POFUT1: variants seen among roughly 807,000 people sequenced by gnomAD.
POFUT1 encodes protein O-fucosyltransferase 1.
Under a neutral mutation model 42.4 loss-of-function variants are expected in POFUT1, and 16 were observed. That is an observed-to-expected ratio of 0.38 (90% CI 0.26 to 0.57). The LOEUF (loss-of-function observed/expected upper bound fraction) is 0.57, where lower values mean the gene tolerates loss of function less well. Among genes scored for constraint, POFUT1 ranks in the 20% least tolerant of loss-of-function variants. POFUT1 has a pLI of 0.71. For missense variants in POFUT1, 470 were observed against 504.6 expected, an observed-to-expected ratio of 0.93 and a Z score of 0.66; for synonymous variants, 206 against 205.4, an observed-to-expected ratio of 1.00 and a Z score of -0.03.
At chr20:32,214,188 A>G (rs2047346163) in intron 2 of POFUT1, among the ~76,000 whole-genome samples, 1 of 152,170 alleles carries the variant, frequency 6.6e-6, no homozygotes, top group Admixed American at 6.5e-5. Flanking sequence ...ACAGTGGCAC[A>G]GTCACACATC....
In POFUT1 at chr20:32,237,783, G is replaced by A. The variant is rs1247025737; in HGVS notation, c.*3122G>A. 3.7e-5 allele frequency: 20 copies of A among 534,606 alleles called. 1 individual carries two copies. The highest frequency in any genetic ancestry group is 2.8e-4 in the South Asian group (20 of 71,582). The allele number at this position is 534,606 out of a possible 1,614,324, so 33.1% of individuals were successfully genotyped here. A position where few individuals can be genotyped will look rare whatever the true frequency, so the allele number is the denominator to read the frequency against. Reference sequence around the variant, plus strand: ...AGAGACCAGTGCAGGGCTGTTAACAGGGTTGCAGGCGAGAGACTGGGGTGC... The same window carrying A: ...AGAGACCAGTGCAGGGCTGTTAACAAGGTTGCAGGCGAGAGACTGGGGTGC... On this transcript the variant is annotated 3_prime_UTR_variant, in exon 7 of 7. Coordinates refer to ENST00000375749, the MANE Select transcript of POFUT1 (RefSeq NM_015352.2).
rs1439985021 is a variant in POFUT1, at chr20:32,237,298, C to T, written c.*2637C>T. The T allele has an allele frequency of 1.3e-5, 2 of 156,640 alleles. No homozygotes were observed. The highest frequency in any genetic ancestry group is 2.8e-5 in the Non-Finnish European group (2 of 70,380). The allele number at this position is 156,640 out of a possible 1,614,324, so 9.7% of individuals were successfully genotyped here. On this transcript the variant is annotated 3_prime_UTR_variant, in exon 7 of 7. Coordinates refer to ENST00000375749, the MANE Select transcript of POFUT1 (RefSeq NM_015352.2). ...TCTTTGTTCTCAAGGAATTTGCATTCTAGAAAGTAGAAGATGTAATAAATG... is the reference window on the plus strand; with the variant it reads ...TCTTTGTTCTCAAGGAATTTGCATTTTAGAAAGTAGAAGATGTAATAAATG...
intron 4 of POFUT1, among the ~76,000 whole-genome samples, chr20:32,221,967 G>A (rs1178213609): frequency 6.6e-6 from 1 of 152,126 alleles, no homozygotes; most frequent in African/African-American, 2.4e-5. Context: ...GAAGATCTGG[G>A]TATGCAGTCC....
At chr20:32,223,236 C>G in intron 4 of POFUT1, 2 of 985,456 alleles carry the variant, frequency 2.0e-6, no homozygotes, top group Non-Finnish European at 2.4e-6. Context: ...CAAGGGTGAG[C>G]AGTCACCGGG....
chr20:32,233,227 A>G (rs1449600971), intron 6 of POFUT1, among the ~76,000 whole-genome samples: 1 of 152,236 alleles, frequency 6.6e-6, no homozygotes, highest in Non-Finnish European at 1.5e-5. Context: ...AAAGTAGAGC[A>G]GCAGGGTTCT....
At chr20:32,216,869 G>T (rs2047363962) in intron 4 of POFUT1, 148 bp downstream of exon 4, 1 of 1,488,968 alleles carries the variant, frequency 6.7e-7, no homozygotes, top group African/African-American at 1.4e-5. Context: ...TTGGAATCCT[G>T]TGTGATCTGT....
At chr20:32,217,826 C>G in intron 4 of POFUT1, 8 of 821,796 alleles carry the variant, frequency 9.7e-6, no homozygotes, top group Non-Finnish European at 1.2e-5. Flanking sequence ...GAAACTGAGC[C>G]CAGTGAAGTT....
intron 2 of POFUT1, among the ~76,000 whole-genome samples, chr20:32,211,573 C>T (rs1230009287): frequency 6.6e-6 from 1 of 152,152 alleles, no homozygotes; most frequent in Non-Finnish European, 1.5e-5. Flanking sequence ...CCTGGCCTCG[C>T]ACTCACTATT....
At chr20:32,208,984 A>G (rs1219346172) in intron 1 of POFUT1, among the ~76,000 whole-genome samples, 2 of 147,626 alleles carry the variant, frequency 1.4e-5, no homozygotes, top group African/African-American at 2.7e-5. Flanking sequence ...GGTATGGTGG[A>G]TCATCATTGT....
intron 4 of POFUT1, among the ~76,000 whole-genome samples, chr20:32,226,330 C>T (rs1410711691): frequency 6.6e-6 from 1 of 152,102 alleles, no homozygotes; most frequent in Non-Finnish European, 1.5e-5. Flanking sequence ...TACCCAATTT[C>T]CCCCAATGGT....
At chr20:32,216,377 T>A (rs1170173364) in intron 3 of POFUT1, among the ~76,000 whole-genome samples, 1 of 152,214 alleles carries the variant, frequency 6.6e-6, no homozygotes, top group East Asian at 1.9e-4. Context: ...GTCAGCAGGA[T>A]GTGACATGTG....
chr20:32,209,509 T>C (rs1175828172), intron 1 of POFUT1, among the ~76,000 whole-genome samples: 4 of 152,146 alleles, frequency 2.6e-5, no homozygotes, highest in Non-Finnish European at 5.9e-5. Context: ...ATTTGTGAAA[T>C]GAATGAACAG....
chr20:32,230,975 G>A lies in POFUT1; in HGVS notation c.892G>A (p.Val298Met), dbSNP rs765455438. 1 of 1,614,216 alleles carries A rather than the reference G, an allele frequency of 6.2e-7. No individual in the cohort carries two copies. Among genetic ancestry groups the A allele is most frequent in the South Asian group, 1.1e-5 (1 of 91,084 alleles). Residue 298 changes from valine to methionine, a missense_variant, in exon 6 of 7, where the codon GTG becomes ATG. Coordinates refer to ENST00000375749, the MANE Select transcript of POFUT1 (RefSeq NM_015352.2). ...GATCCAGAGGGCTGTGAAGCTCTGGGTGAGGTCGCTGGATGCCCAGTCGGT... is the reference window on the plus strand; with the variant it reads ...GATCCAGAGGGCTGTGAAGCTCTGGATGAGGTCGCTGGATGCCCAGTCGGT... Reference protein sequence around the residue: ...KEIQRAVKLWVRSLDAQSVYV... With the variant: ...KEIQRAVKLWMRSLDAQSVYV...
Position 32,207,906 on chromosome 20 carries a change from C to T in POFUT1, c.-36C>T. 3 of 1,559,072 alleles carry T rather than the reference C, an allele frequency of 1.9e-6. No homozygotes were observed. On this transcript the variant is annotated 5_prime_UTR_variant, in exon 1 of 7. Transcript: ENST00000375749. ...CTCGCGTCCCTCCTTCCCTCCCCGA[C>T]TGTGCGCCGCGGCTGGCTCGGGTTC...
rs2122607120 is a variant in POFUT1, at chr20:32,234,779, C to T, written c.*118C>T. 1 of 876,128 alleles carries T rather than the reference C, an allele frequency of 1.1e-6. No individual in the cohort carries two copies. The highest frequency in any genetic ancestry group is 1.7e-6 in the Non-Finnish European group (1 of 581,284). 54.3% of individuals were successfully genotyped at this position (876,128 alleles called of 1,614,324 possible). A position where few individuals can be genotyped will look rare whatever the true frequency, so the allele number is the denominator to read the frequency against. ...ATTGCAAACTCCTCTTCTCACCTGC[C>T]AAAGATGGAGAAGAGTGCCAGGGAC... is the stretch of plus-strand genomic sequence containing the variant. On this transcript the variant is annotated 3_prime_UTR_variant, in exon 7 of 7. Transcript: ENST00000375749.
rs767298813 is a variant in POFUT1 at position 32,238,093 on chromosome 20, T to C, written c.*3432T>C. 2.0e-4 allele frequency: 60 copies of C among 306,924 alleles called. No homozygotes were observed. Among genetic ancestry groups the C allele is most frequent in the Non-Finnish European group, 3.0e-4 (46 of 153,262 alleles). 19.0% of individuals were successfully genotyped at this position (306,924 alleles called of 1,614,324 possible). A position where few individuals can be genotyped will look rare whatever the true frequency, so the allele number is the denominator to read the frequency against. On this transcript the variant is annotated 3_prime_UTR_variant, in exon 7 of 7. Coordinates refer to ENST00000375749, the MANE Select transcript of POFUT1 (RefSeq NM_015352.2). ...AGGAGTGTTCCATAGTTTATTGTTT[T>C]CCTATTATGAGAATTTAGGCCAAGT... is the stretch of plus-strand genomic sequence containing the variant.
rs752428552 is a variant in POFUT1, at chr20:32,215,354, A to G, written c.332A>G (p.Lys111Arg). 1.1e-5 allele frequency: 18 copies of G among 1,614,136 alleles called. No individual in the cohort carries two copies. The highest frequency in any genetic ancestry group is 1.3e-5 in the Non-Finnish European group (15 of 1,179,998). The change falls in exon 3 of 7, where the codon AAG becomes AGG. Residue 111 changes from lysine to arginine, a missense_variant. Transcript: ENST00000375749. The part of the protein sequence containing the change: ...RVISLEDFME[K>R]LAPTHWPPEK... The stretch of plus-strand genomic sequence containing the variant: ...ATCAGCTTGGAGGATTTCATGGAGA[A>G]GCTGGCACCCACCCACTGGCCCCCT...
chr20:32,221,632 T>G (rs1249545712), intron 4 of POFUT1, among the ~76,000 whole-genome samples: 2 of 151,758 alleles, frequency 1.3e-5, no homozygotes, highest in Non-Finnish European at 2.9e-5. Context: ...GAGGATCAGG[T>G]GAGCCTGAGG....
intron 4 of POFUT1, chr20:32,223,263 G>A (rs1341143270): frequency 1.0e-6 from 1 of 985,350 alleles, no homozygotes; most frequent in African/African-American, 1.7e-5. Flanking sequence ...TGCTGGTCAA[G>A]ATTTTCTTTC....
Sources: allele counts gnomAD v4.1 joint callset (sites outside exome capture counted in the v4.1 genomes callset), GRCh38; gene constraint gnomAD v4.1.1; transcripts MANE v1.5; gene names NCBI Gene and HGNC (gene_info 2026-07-23, HGNC 2026-07-21).